CPS1: variants seen among roughly 807,000 people sequenced by gnomAD.
The protein encoded by CPS1 is carbamoyl-phosphate synthase 1.
CPS1 carries 109 observed loss-of-function variants against 174.6 expected under a neutral mutation model. The observed-to-expected ratio is 0.62, with a 90% CI of 0.53 to 0.73. The LOEUF (loss-of-function observed/expected upper bound fraction) is 0.73. CPS1 is among the 30% of genes least tolerant of loss of function. The pLI is 0.00. For missense variants in CPS1, 1,689 were observed against 1,821.9 expected, an observed-to-expected ratio of 0.93 and a Z score of 1.33; for synonymous variants, 637 against 632.0, an observed-to-expected ratio of 1.01 and a Z score of -0.12.
At chr2:210,641,663 C>T (rs1700229691) in intron 24 of CPS1, among the ~76,000 whole-genome samples, 1 of 152,150 alleles carries the variant, frequency 6.6e-6, no homozygotes, top group Non-Finnish European at 1.5e-5. Context: ...CAAATTTTAC[C>T]TATTCATGCA....
At chr2:210,633,402 C>A (rs756586700) in intron 21 of CPS1, among the ~76,000 whole-genome samples, 1 of 151,580 alleles carries the variant, frequency 6.6e-6, no homozygotes, top group Non-Finnish European at 1.5e-5. Flanking sequence ...ATTTTTATTT[C>A]TTTGCTGATA....
rs1559123197 is a variant in CPS1, at chr2:210,642,544, G to A, written c.3020G>A (p.Gly1007Asp). 1 of 1,614,014 alleles carries A rather than the reference G, an allele frequency of 6.2e-7. No homozygotes were observed. ...AGTATCCGCACACTGCGTCAACTTG[G>A]CAAGAAGACGGTGGTGGTGAATTGC... is the stretch of plus-strand genomic sequence containing the variant. Reference protein sequence around the residue: ...VSSIRTLRQLGKKTVVVNCNP... With the variant: ...VSSIRTLRQLDKKTVVVNCNP... The change falls in exon 25 of 38, where the codon GGC (glycine) becomes GAC (aspartate). Residue 1007 changes from glycine to aspartate, a missense_variant. By Grantham distance (94) the Gly-to-Asp change is moderately conservative (BLOSUM62 -1). Coordinates refer to ENST00000233072, the MANE Select transcript of CPS1 (RefSeq NM_001875.5).
chr2:210,527,410 T>A (rs902873307), intron 1 of CPS1, among the ~76,000 whole-genome samples: 9 of 151,988 alleles, frequency 5.9e-5, no homozygotes, highest in African/African-American at 2.2e-4. Flanking sequence ...TAGTGGTTCC[T>A]GATGTCACCT....
At position 210,668,204 on chromosome 2, in the gene CPS1, G is replaced by C. The variant is rs1195695040; in HGVS notation, c.4021G>C (p.Gly1341Arg). Residue 1341 changes from glycine (G) to arginine (R), a missense_variant, in exon 34 of 38, where the codon GGT becomes CGT. Transcript: ENST00000233072. ...STGEVACFGE[G>R]IHTAFLKAML... is the part of the protein sequence containing the mutation. ...TAAACAGGTGGCTTGCTTTGGTGAA[G>C]GTATTCATACAGCCTTCCTAAAGGC... The C allele has an allele frequency of 6.2e-7, 1 of 1,613,410 alleles. No individual in the cohort carries two copies. Among genetic ancestry groups the C allele is most frequent in the Non-Finnish European group, 8.5e-7 (1 of 1,179,678 alleles).
At chr2:210,532,072 C>G (rs1435246493) in intron 1 of CPS1, among the ~76,000 whole-genome samples, 1 of 152,096 alleles carries the variant, frequency 6.6e-6, no homozygotes, top group African/African-American at 2.4e-5. Flanking sequence ...AGTTAGGTCT[C>G]TGATTAACAC....
chr2:210,574,264 G>A lies in CPS1; in HGVS notation c.236+857G>A, dbSNP rs553925008. ...TGTGTCTTAAAAACATGACTAGATT[G>A]ATTGAAGGGGTTTCCAATACAGATT... On this transcript the variant is annotated intron_variant, in intron 2 of 37. Transcript: ENST00000233072. 6.6e-5 allele frequency among the ~76,000 whole-genome samples: 10 copies of A among 152,140 alleles called. No individual in the cohort carries two copies. In the East Asian group the frequency reaches 1.9e-3, roughly 29 times the overall value.
Position 210,654,060 on chromosome 2 carries a change from G to A in CPS1, c.3516G>A (p.Gly1172=). 6.2e-7 allele frequency: 1 copy of A among 1,614,044 alleles called. No homozygotes were observed. Among genetic ancestry groups the A allele is most frequent in the Non-Finnish European group, 8.5e-7 (1 of 1,179,926 alleles). The change falls in exon 29 of 38, where the codon GGG becomes GGA. Residue 1172 remains glycine, a synonymous_variant. Transcript: ENST00000233072. ...TGGTGCTGACAAAATTTGTTGAAGGGGCCCGAGAAGTAGAAATGGACGCTG... is the reference window on the plus strand; with the variant it reads ...TGGTGCTGACAAAATTTGTTGAAGGAGCCCGAGAAGTAGAAATGGACGCTG... ...HPVVLTKFVE[G]AREVEMDAVG...
intron 36 of CPS1, among the ~76,000 whole-genome samples, chr2:210,676,709 C>G (rs755882124): frequency 6.6e-6 from 1 of 152,062 alleles, no homozygotes; most frequent in Non-Finnish European, 1.5e-5. Flanking sequence ...GGGATCACCT[C>G]TTTTTAAAAA....
At chr2:210,554,695 T>C (rs146252392), upstream of CPS1, among the ~76,000 whole-genome samples, 783 of 151,998 alleles carry the variant, frequency 5.2e-3, 5 homozygotes, top group African/African-American at 0.018. Flanking sequence ...TGTATACATA[T>C]GTAACTAACC....
chr2:210,504,721 G>A (rs1363822438), intron 1 of CPS1, among the ~76,000 whole-genome samples: 1 of 152,142 alleles, frequency 6.6e-6, no homozygotes, highest in Admixed American at 6.5e-5. Context: ...TATTTCTTTT[G>A]GTATAAGATT....
At chr2:210,513,448 T>C (rs1695586859) in intron 1 of CPS1, among the ~76,000 whole-genome samples, 1 of 151,838 alleles carries the variant, frequency 6.6e-6, no homozygotes, top group Non-Finnish European at 1.5e-5. Flanking sequence ...TTATTTCATA[T>C]GTTTGCTGAC....
At chr2:210,629,429 C>G (rs539727554) in intron 21 of CPS1, among the ~76,000 whole-genome samples, 1 of 152,138 alleles carries the variant, frequency 6.6e-6, no homozygotes, top group Non-Finnish European at 1.5e-5. Context: ...ATTCTCCTGC[C>G]TCAGCCTCCC....
chr2:210,676,923 C>A, intron 36 of CPS1, 84 bp from the exon 37 acceptor site: 1 of 1,389,946 alleles, frequency 7.2e-7, no homozygotes, highest in Non-Finnish European at 1.0e-6. Context: ...ACTTGAATGG[C>A]TAAGAGAGCA....
At chr2:210,592,491 C>T (rs980710176) in intron 10 of CPS1, among the ~76,000 whole-genome samples, 1 of 151,942 alleles carries the variant, frequency 6.6e-6, no homozygotes, top group Non-Finnish European at 1.5e-5. Context: ...CTGGGACTTA[C>T]TTGGCACTGG....
At chr2:210,670,019 G>A (rs1559138260) in intron 34 of CPS1, among the ~76,000 whole-genome samples, 2 of 151,976 alleles carry the variant, frequency 1.3e-5, no homozygotes, top group Non-Finnish European at 2.9e-5. Context: ...TGGCATTAGT[G>A]GACAGAATTT....
intron 1 of CPS1, among the ~76,000 whole-genome samples, chr2:210,569,523 C>T (rs753125810): frequency 7.9e-5 from 12 of 151,996 alleles, no homozygotes; most frequent in Non-Finnish European, 1.5e-4. Flanking sequence ...ATTTCAGTGA[C>T]GCCTCAGTGA....
At chr2:210,596,637 C>T (rs961834856) in intron 13 of CPS1, among the ~76,000 whole-genome samples, 2 of 151,758 alleles carry the variant, frequency 1.3e-5, no homozygotes, top group South Asian at 2.1e-4. Flanking sequence ...ATTTTCAAAA[C>T]GATGTTTTAC....
chr2:210,519,527 A>C (rs1178779795), intron 1 of CPS1: 2 of 152,288 alleles, frequency 1.3e-5, no homozygotes, highest in African/African-American at 4.8e-5. Flanking sequence ...AATTATTGTC[A>C]TTGACAACTA....
At chr2:210,559,277 A>G (rs1021279567) in intron 1 of CPS1, among the ~76,000 whole-genome samples, 3 of 152,074 alleles carry the variant, frequency 2.0e-5, no homozygotes, top group African/African-American at 7.2e-5. Context: ...GGATTGGGAA[A>G]GACACCCTGT....
Sources: allele counts gnomAD v4.1 joint callset (sites outside exome capture counted in the v4.1 genomes callset), GRCh38; gene constraint gnomAD v4.1.1; transcripts MANE v1.5; gene names NCBI Gene and HGNC (gene_info 2026-07-23, HGNC 2026-07-21).